Variants in NSD2 observed in about 807,000 individuals in gnomAD.
NSD2 encodes the protein nuclear receptor binding SET domain protein 2, also known as histone-lysine N-methyltransferase NSD2.
In NSD2, 12 loss-of-function variants were observed where a neutral mutation model predicts 139.0. That is an observed-to-expected ratio of 0.09 (90% confidence interval 0.06 to 0.14). The LOEUF is 0.14. Among genes scored for constraint, NSD2 ranks in the 10% least tolerant of loss-of-function variants. The probability of loss-of-function intolerance (pLI) is 1.00; values close to 1 mark genes in which losing one functional copy is unlikely to be tolerated. For missense variants in NSD2, 1,155 were observed against 1,745.0 expected (o/e 0.66, Z 6.02); for synonymous variants, 669 against 648.7 (o/e 1.03, Z -0.48).
chr4:1,901,282 G>A lies in NSD2; in HGVS notation c.597+31G>A, dbSNP rs1241779818. On this transcript the variant is annotated intron_variant, in intron 2 of 21. Transcript: ENST00000508803. ...TAGGAGACGTTGTGTAAGGGGTCAT[G>A]TGACCTTGAGCAGTGAGCATGGCCA... The A allele has an allele frequency of 2.0e-6, 3 of 1,530,654 alleles. No homozygotes were observed. In the African/African-American group the frequency reaches 4.2e-5, roughly 21 times the overall value. The allele number at this position is 1,530,654 out of a possible 1,614,324, so 94.8% of individuals were successfully genotyped here.
At position 1,908,006 on chromosome 4, in the gene NSD2, G is replaced by A. The variant is rs368125048; in HGVS notation, c.760+3628G>A. On this transcript the variant is annotated intron_variant, in intron 3 of 21. Transcript: ENST00000508803. ...TTTCCTTATTGACTCAGCACCAGCCGCATTTCGGGAAACATCACATCAGTA... is the reference window on the plus strand; with the variant it reads ...TTTCCTTATTGACTCAGCACCAGCCACATTTCGGGAAACATCACATCAGTA... Among the ~76,000 whole-genome samples the A allele has an allele frequency of 7.2e-5, 11 of 152,286 alleles. No homozygotes were observed. In the South Asian group the frequency reaches 1.0e-3, roughly 14 times the overall value.
Position 1,942,106 on chromosome 4 carries a change from T to G in NSD2, c.1881+2328T>G, listed in dbSNP as rs1222838058. 8.0e-7 allele frequency: 1 copy of G among 1,245,770 alleles called. No individual in the cohort carries two copies. Among genetic ancestry groups the G allele is most frequent in the Non-Finnish European group, 1.0e-6 (1 of 988,904 alleles). 77.2% of individuals were successfully genotyped at this position (1,245,770 alleles called of 1,614,324 possible). ...GGTTGGTATTTCAGAACACTTTAGGTCATGTTGTAGTTTAAATTCTTCTTG... is the reference window on the plus strand; with the variant it reads ...GGTTGGTATTTCAGAACACTTTAGGGCATGTTGTAGTTTAAATTCTTCTTG... On this transcript the variant is annotated intron_variant, in intron 9 of 21. Coordinates refer to ENST00000508803, the MANE Select transcript of NSD2 (RefSeq NM_001042424.3). This position sits in a 1 kb window ranked among gnomAD's most constrained non-coding sequence, Gnocchi z 4.0.
At chr4:1,934,895 ATATATATATATAT>A (rs1722190043) in intron 6 of NSD2, among the ~76,000 whole-genome samples, 1 of 129,616 alleles carries the variant, frequency 7.7e-6, no homozygotes, top group African/African-American at 2.9e-5. Context: ...ATATATATAT[ATATATATATATAT>A]AAAAAACAGA....
chr4:1,967,951 T>C (rs1454231190), intron 18 of NSD2, among the ~76,000 whole-genome samples: 1 of 152,224 alleles, frequency 6.6e-6, no homozygotes, highest in Non-Finnish European at 1.5e-5. Flanking sequence ...TGTCTTATTG[T>C]CAAGATGGGT....
Position 1,972,917 on chromosome 4 carries a change from A to G in NSD2, c.3373-1946A>G, listed in dbSNP as rs895362518. Among the ~76,000 whole-genome samples the G allele has an allele frequency of 2.6e-5, 4 of 152,082 alleles. No individual in the cohort carries two copies. The highest frequency in any genetic ancestry group is 3.9e-4 in the East Asian group (2 of 5,192). Reference sequence around the variant, plus strand: ...GCCTAGGCTGGAGTTCAGTGGCACAATCTCAGCTCACTGCACCCTCTGCCT... The same window carrying G: ...GCCTAGGCTGGAGTTCAGTGGCACAGTCTCAGCTCACTGCACCCTCTGCCT... On this transcript the variant is annotated intron_variant, in intron 18 of 21. Transcript: ENST00000508803. This position sits in a 1 kb window ranked among gnomAD's most constrained non-coding sequence, Gnocchi z 4.0.
In NSD2 at chr4:1,952,349, C is replaced by T. The variant is rs943157266; in HGVS notation, c.2137+118C>T. The stretch of plus-strand genomic sequence containing the variant: ...GGACAAGCCCCCTCCCCACCCCCAC[C>T]GCCTGGCCCTCTCTGGAGCTTGTAG... On this transcript the variant is annotated intron_variant, in intron 11 of 21. Coordinates refer to ENST00000508803, the MANE Select transcript of NSD2 (RefSeq NM_001042424.3). 2.1e-5 allele frequency: 30 copies of T among 1,448,518 alleles called. No homozygotes were observed. In the Admixed American group the frequency reaches 3.8e-4, roughly 19 times the overall value. The allele number at this position is 1,448,518 out of a possible 1,614,324, so 89.7% of individuals were successfully genotyped here. A position where few individuals can be genotyped will look rare whatever the true frequency, so the allele number is the denominator to read the frequency against.
chr4:1,896,332 C>G (rs975266224), intron 1 of NSD2, among the ~76,000 whole-genome samples: 3 of 152,268 alleles, frequency 2.0e-5, no homozygotes, highest in African/African-American at 7.2e-5. Flanking sequence ...CTCCAGACTG[C>G]TGTTCCCTTT....
chr4:1,925,795 T>A (rs1223397595), intron 5 of NSD2, among the ~76,000 whole-genome samples: 5 of 151,598 alleles, frequency 3.3e-5, no homozygotes, highest in African/African-American at 1.2e-4. Flanking sequence ...TGTTTGTTTG[T>A]TTGTTTGTTT....
At chr4:1,896,508 G>A (rs1426149819) in intron 1 of NSD2, among the ~76,000 whole-genome samples, 2 of 152,224 alleles carry the variant, frequency 1.3e-5, no homozygotes, top group Non-Finnish European at 2.9e-5. Context: ...AGCTGGGACT[G>A]TAGATGTGCG....
intron 3 of NSD2, among the ~76,000 whole-genome samples, chr4:1,906,733 T>C (rs1717968522): frequency 1.4e-5 from 2 of 142,826 alleles, no homozygotes; most frequent in African/African-American, 5.2e-5. Context: ...CGATCTCAGC[T>C]CACTGCAACC....
At chr4:1,881,596 C>G (rs573401362) in intron 1 of NSD2, among the ~76,000 whole-genome samples, 1 of 152,120 alleles carries the variant, frequency 6.6e-6, no homozygotes, top group Non-Finnish European at 1.5e-5. Context: ...AGGGTTTTGC[C>G]ATGTTGCCCA....
At chr4:1,946,452 G>A (rs1420465747) in intron 9 of NSD2, 2 of 565,828 alleles carry the variant, frequency 3.5e-6, no homozygotes, top group East Asian at 1.7e-4. Flanking sequence ...TGTATTTTTA[G>A]TAGAGACAGG....
At chr4:1,924,449 G>A (rs1006212302) in intron 5 of NSD2, among the ~76,000 whole-genome samples, 1 of 152,132 alleles carries the variant, frequency 6.6e-6, no homozygotes, top group Non-Finnish European at 1.5e-5. Context: ...TGAAAAAAAT[G>A]GGTACCTGAG....
At chr4:1,978,445 T>TG (rs1727359085) in intron 21 of NSD2, among the ~76,000 whole-genome samples, 193 bp from the exon 22 acceptor site, 1 of 152,188 alleles carries the variant, frequency 6.6e-6, no homozygotes, top group Non-Finnish European at 1.5e-5. Context: ...TGGCAGGTAC[T>TG]GTGGAGTCAA....
chr4:1,951,286 TCCCTTCCCACCAGAC>T, intron 10 of NSD2, 83 bp downstream of exon 10: 1 of 1,576,274 alleles, frequency 6.3e-7, no homozygotes, highest in African/African-American at 1.3e-5. Flanking sequence ...TAGTGTCTTT[TCCCTTCCCACCAGAC>T]CCCTTCCCCA....
chr4:1,912,958 G>A (rs893938748), intron 3 of NSD2, among the ~76,000 whole-genome samples: 7 of 152,048 alleles, frequency 4.6e-5, no homozygotes, highest in African/African-American at 1.7e-4. Context: ...GGCTGTTCCA[G>A]TATAATAAAG....
rs114564019 is a variant in NSD2, at chr4:1,967,920, G to A, written c.3372+6769G>A. Among the ~76,000 whole-genome samples the A allele has an allele frequency of 5.4e-3, 819 of 152,326 alleles. 4 individuals are homozygous for A. Among genetic ancestry groups the A allele is most frequent in the African/African-American group, 0.019 (788 of 41,572 alleles). Reference sequence around the variant, plus strand: ...GATAAGGAAAGGGAGTTGGTCAACAGGCAGCACGTGGTCAGTCTGGTGTCT... The same window carrying A: ...GATAAGGAAAGGGAGTTGGTCAACAAGCAGCACGTGGTCAGTCTGGTGTCT... On this transcript the variant is annotated intron_variant, in intron 18 of 21. Coordinates refer to ENST00000508803, the MANE Select transcript of NSD2 (RefSeq NM_001042424.3).
chr4:1,922,049 G>A (rs1272772269), intron 5 of NSD2, among the ~76,000 whole-genome samples: 1 of 152,160 alleles, frequency 6.6e-6, no homozygotes, highest in Admixed American at 6.6e-5. Flanking sequence ...TCAGGAGGCC[G>A]AGGCAAGAGA....
intron 9 of NSD2, chr4:1,941,203 G>C: frequency 9.5e-7 from 1 of 1,054,814 alleles, no homozygotes; most frequent in Non-Finnish European, 1.1e-6. Flanking sequence ...GTCATTTACA[G>C]TTCCAAAGAA....
Sources: gnomAD v4.1 joint callset for allele counts (sites outside exome capture counted in the v4.1 genomes callset) on GRCh38, gnomAD v4.1.1 for gene constraint, Gnocchi (gnomAD v3.1) non-coding constraint, MANE v1.5 for transcripts, NCBI Gene and HGNC (gene_info 2026-07-23, HGNC 2026-07-21) for gene names.